The following PTPN4 variants were observed in gnomAD, a reference collection of about 807,000 sequenced individuals.
The protein encoded by PTPN4 is protein tyrosine phosphatase non-receptor type 4, also known as tyrosine-protein phosphatase non-receptor type 4.
A neutral mutation model predicts 135.5 loss-of-function variants in PTPN4; 49 were observed. That is an observed-to-expected ratio of 0.36 (90% confidence interval 0.29 to 0.46). PTPN4 has a LOEUF of 0.46. Ranked by LOEUF, PTPN4 falls within the 20% of genes least tolerant of loss-of-function variation. PTPN4 has a pLI of 1.00. For synonymous variants in PTPN4, 333 were observed against 369.9 expected, an observed-to-expected ratio of 0.90 and a Z score of 1.14; for missense variants, 860 against 1,101.0, an observed-to-expected ratio of 0.78 and a Z score of 3.10.
At chr2:119,948,535 G>C (rs753372763) in intron 18 of PTPN4, among the ~76,000 whole-genome samples, 54 of 152,114 alleles carry the variant, frequency 3.5e-4, no homozygotes, top group Non-Finnish European at 5.7e-4. Flanking sequence ...GGAACAAAGA[G>C]TACTTACACA....
At chr2:119,807,949 A>C (rs1197387204) in intron 1 of PTPN4, among the ~76,000 whole-genome samples, 1 of 152,262 alleles carries the variant, frequency 6.6e-6, no homozygotes, top group Non-Finnish European at 1.5e-5. Context: ...GTAATCCATC[A>C]GCTAAACAGA....
chr2:119,770,491 T>G (rs893505753), intron 1 of PTPN4, among the ~76,000 whole-genome samples: 5 of 152,230 alleles, frequency 3.3e-5, no homozygotes, highest in Admixed American at 6.5e-5. Flanking sequence ...AGGTAACTAC[T>G]TTTATTTTTT....
chr2:119,955,256 C>T lies in PTPN4; in HGVS notation c.1913C>T (p.Ser638Phe), dbSNP rs1475283268. Reference sequence around the variant, plus strand: ...GATAGTGTGCATCAGGATGACCATTCCCTGCGGGAGTCAATGATCCAGCTA... The same window carrying T: ...GATAGTGTGCATCAGGATGACCATTTCCTGCGGGAGTCAATGATCCAGCTA... ...PLDSVHQDDH[S>F]LRESMIQLAE... The change falls in exon 20 of 27, where the codon TCC becomes TTC. Residue 638 changes from serine (S) to phenylalanine (F), a missense_variant. Coordinates refer to ENST00000263708, the MANE Select transcript of PTPN4 (RefSeq NM_002830.4). The T allele has an allele frequency of 1.4e-5, 23 of 1,613,486 alleles. No individual in the cohort carries two copies. The highest frequency in any genetic ancestry group is 1.9e-5 in the Non-Finnish European group (23 of 1,179,804).
intron 26 of PTPN4, among the ~76,000 whole-genome samples, chr2:119,969,186 T>A (rs1679490621): frequency 2.6e-5 from 4 of 152,000 alleles, no homozygotes; most frequent in African/African-American, 7.2e-5. Flanking sequence ...TAATTTTTTT[T>A]ATTTTTTGTA....
intron 20 of PTPN4, among the ~76,000 whole-genome samples, chr2:119,955,906 C>T (rs912700398): frequency 3.4e-4 from 52 of 151,772 alleles, no homozygotes; most frequent in African/African-American, 1.3e-3. Context: ...CACTGCACTC[C>T]AGCCTGGGCG....
At chr2:119,824,694 A>AT (rs1317961655) in intron 2 of PTPN4, among the ~76,000 whole-genome samples, 1 of 151,936 alleles carries the variant, frequency 6.6e-6, no homozygotes, top group Non-Finnish European at 1.5e-5. Flanking sequence ...GAATATAAAC[A>AT]TTTTTTTCTT....
chr2:119,951,527 G>A (rs1012861543), intron 18 of PTPN4, among the ~76,000 whole-genome samples: 1 of 152,194 alleles, frequency 6.6e-6, no homozygotes, highest in African/African-American at 2.4e-5. Flanking sequence ...GGCCACTGAT[G>A]ATGATGTGTG....
At chr2:119,842,931 A>T (rs1677403413) in intron 2 of PTPN4, among the ~76,000 whole-genome samples, 1 of 152,206 alleles carries the variant, frequency 6.6e-6, no homozygotes, top group South Asian at 2.1e-4. Context: ...AATTATCAAA[A>T]TACAGCATAA....
Position 119,946,364 on chromosome 2 carries a change from T to G in PTPN4, c.1539T>G (p.Asp513Glu), listed in dbSNP as rs778508595. 24 of 1,608,612 alleles carry G rather than the reference T, an allele frequency of 1.5e-5. No individual in the cohort carries two copies. Among genetic ancestry groups the G allele is most frequent in the Non-Finnish European group, 2.0e-5 (23 of 1,177,626 alleles). ...AGCCTAATGGTGGTATTCCACATGA[T>G]AATCTTGTCCTAATCAGAATGAAAC... ...KPTPNGGIPHDNLVLIRMKPD... is the reference protein window; with the variant it reads ...KPTPNGGIPHENLVLIRMKPD... The change falls in exon 17 of 27, where the codon GAT (aspartate) becomes GAG (glutamate). Residue 513 changes from aspartate (D) to glutamate (E), a missense_variant. Around this residue, in one of 2 missense-constraint regions of PTPN4, gnomAD observed 684 missense variants for 807.0 expected, o/e 0.85. Transcript: ENST00000263708.
At position 119,960,814 on chromosome 2, in the gene PTPN4, T is replaced by G; in HGVS notation, c.2141T>G (p.Ile714Ser). 1 of 1,605,212 alleles carries G rather than the reference T, an allele frequency of 6.2e-7. No individual in the cohort carries two copies. Among genetic ancestry groups the G allele is most frequent in the Non-Finnish European group, 8.5e-7 (1 of 1,177,852 alleles). ...YINANYINME[I>S]PSSSIINQYI... ...ATGCCCTTTTCTTTTTAGATGGAAA[T>G]TCCTTCTTCCAGCATTATAAATCAG... is the stretch of plus-strand genomic sequence containing the variant. Residue 714 changes from isoleucine to serine, a missense_variant, in exon 23 of 27, where the codon ATT becomes AGT. Physicochemically the swap from Ile to Ser is moderately radical, Grantham distance 142 (BLOSUM62 -2). Around this residue, in one of 2 missense-constraint regions of PTPN4, gnomAD observed 176 missense variants for 294.1 expected, o/e 0.60. Transcript: ENST00000263708.
Position 119,799,912 on chromosome 2 carries a change from A to G in PTPN4, c.-17-9925A>G, listed in dbSNP as rs140434949. Among the ~76,000 whole-genome samples, 388 of 152,350 alleles carry G rather than the reference A, an allele frequency of 2.5e-3. 1 individual carries two copies. Among genetic ancestry groups the G allele is most frequent in the African/African-American group, 9.1e-3 (377 of 41,590 alleles). On this transcript the variant is annotated intron_variant, in intron 1 of 26. Coordinates refer to ENST00000263708, the MANE Select transcript of PTPN4 (RefSeq NM_002830.4). ...AGACTCCTCCAGTGATGTAGTTTGC[A>G]AAATAAAAATGCGTTCTTTGACCAT...
In PTPN4 at chr2:119,906,320, A is replaced by G. The variant is rs372309139; in HGVS notation, c.764+5514A>G. Among the ~76,000 whole-genome samples the G allele has an allele frequency of 8.5e-4, 130 of 152,304 alleles. No individual in the cohort carries two copies. In the East Asian group the frequency reaches 0.021, roughly 25 times the overall value. On this transcript the variant is annotated intron_variant, in intron 10 of 26. Coordinates refer to ENST00000263708, the MANE Select transcript of PTPN4 (RefSeq NM_002830.4). ...GGAGTTCATCCTGAGTGACAGTGTG[A>G]GACCTGTCTGAAAAAAAAGAAAAGA...
chr2:119,764,312 A>G (rs1461910809), intron 1 of PTPN4, among the ~76,000 whole-genome samples: 2 of 152,246 alleles, frequency 1.3e-5, no homozygotes, highest in Non-Finnish European at 2.9e-5. Flanking sequence ...GTTTAAAAAT[A>G]TATAGGAGTT....
chr2:119,957,771 A>C (rs1679309887), intron 22 of PTPN4, among the ~76,000 whole-genome samples: 1 of 152,184 alleles, frequency 6.6e-6, no homozygotes, highest in Non-Finnish European at 1.5e-5. Flanking sequence ...ACTTGGTTTC[A>C]CCTTTACCAG....
intron 1 of PTPN4, among the ~76,000 whole-genome samples, chr2:119,767,593 C>CT (rs1690651830): frequency 6.6e-6 from 1 of 152,206 alleles, no homozygotes; most frequent in Admixed American, 6.5e-5. Flanking sequence ...ATTGTCACAT[C>CT]TTTTAGTTTC....
intron 3 of PTPN4, among the ~76,000 whole-genome samples, chr2:119,872,321 T>C (rs1376022590): frequency 6.6e-6 from 1 of 152,132 alleles, no homozygotes; most frequent in Admixed American, 6.5e-5. Context: ...AGAAATAGGA[T>C]TGATTTATAA....
At chr2:119,906,454 G>C (rs549388165) in intron 10 of PTPN4, among the ~76,000 whole-genome samples, 4 of 151,806 alleles carry the variant, frequency 2.6e-5, no homozygotes, top group African/African-American at 7.3e-5. Context: ...CATTTTTCAC[G>C]TATCTACACG....
intron 15 of PTPN4, among the ~76,000 whole-genome samples, chr2:119,940,084 G>A (rs1679039692): frequency 6.6e-6 from 1 of 152,184 alleles, no homozygotes; most frequent in South Asian, 2.1e-4. Context: ...CTTGAGTTTG[G>A]TTGAAACCAA....
In PTPN4 at chr2:119,914,250, T is replaced by TTTA. The variant is rs1678616950; in HGVS notation, c.765-927_765-926insATT. Among the ~76,000 whole-genome samples, 2 of 70,032 alleles carry TTTA rather than the reference T, an allele frequency of 2.9e-5. 1 individual carries two copies. Among genetic ancestry groups the TTTA allele is most frequent in the African/African-American group, 8.8e-5 (2 of 22,650 alleles). 45.9% of individuals were successfully genotyped at this position (70,032 alleles called of 152,430 possible). ...TAAATACAGTCAATAGTTACTCAAT[T>TTTA]TTTTTTTTTTTTTTTTTTTTTTTTT... On this transcript the variant is annotated intron_variant, in intron 10 of 26. Transcript: ENST00000263708.
Sources: gnomAD v4.1 joint callset for allele counts (sites outside exome capture counted in the v4.1 genomes callset) on GRCh38, gnomAD v4.1.1 for gene constraint, gnomAD v4.1.1 regional missense constraint, MANE v1.5 for transcripts, NCBI Gene and HGNC (gene_info 2026-07-23, HGNC 2026-07-21) for gene names.